Variants in RP1 observed in about 807,000 individuals in gnomAD.
RP1 encodes the protein RP1 axonemal microtubule associated.
A neutral mutation model predicts 14.8 loss-of-function variants in RP1; 16 were observed. That is an observed-to-expected ratio of 1.08 (90% confidence interval 0.73 to 1.65). RP1 has a LOEUF of 1.65. RP1 is among the 40% of genes most tolerant of loss of function. RP1 has a pLI of 0.00. For missense variants in RP1, 2,631 were observed against 2,535.0 expected (o/e 1.04, Z -0.81); for synonymous variants, 876 against 883.6 (o/e 0.99, Z 0.15).
At chr8:54,571,534 GGAT>G (rs1374578204) in intron 1 of RP1, among the ~76,000 whole-genome samples, 2 of 152,192 alleles carry the variant, frequency 1.3e-5, no homozygotes, top group Middle Eastern at 3.2e-3. Context: ...ATGGCAGCAT[GGAT>G]GGTTCCACTT....
intron 24 of RP1, among the ~76,000 whole-genome samples, chr8:54,804,182 A>G (rs1563381187): frequency 5.3e-5 from 8 of 152,190 alleles, no homozygotes; most frequent in Admixed American, 3.9e-4. Flanking sequence ...AGGAAAAACT[A>G]AGCTTCTTTG....
downstream of RP1, among the ~76,000 whole-genome samples, chr8:54,631,904 C>T (rs545616469): frequency 2.2e-4 from 34 of 151,468 alleles, no homozygotes; most frequent in East Asian, 3.9e-4. Context: ...TGCAATGGTG[C>T]GATCTCGGCT....
At chr8:54,726,488 C>T in intron 17 of RP1, 2 of 1,517,412 alleles carry the variant, frequency 1.3e-6, no homozygotes, top group Non-Finnish European at 1.8e-6. Flanking sequence ...TAAGCCACAG[C>T]TTTTGCTTTC....
At chr8:54,677,753 G>T (rs1484001855) in intron 8 of RP1, among the ~76,000 whole-genome samples, 1 of 151,634 alleles carries the variant, frequency 6.6e-6, no homozygotes, top group African/African-American at 2.4e-5. Context: ...AAAAATAAAA[G>T]AAAAAAATAA....
intron 1 of RP1, among the ~76,000 whole-genome samples, chr8:54,607,090 G>T (rs1489659292): frequency 6.6e-6 from 1 of 152,108 alleles, no homozygotes; most frequent in East Asian, 1.9e-4. Context: ...CTGGTGAGGA[G>T]CTGTGTTCCT....
At chr8:54,597,676 A>G (rs1805179575) in intron 1 of RP1, among the ~76,000 whole-genome samples, 1 of 152,214 alleles carries the variant, frequency 6.6e-6, no homozygotes, top group Admixed American at 6.5e-5. Flanking sequence ...CAATGTACTG[A>G]TATATGCTAA....
rs1384372614 is a variant in RP1 at position 54,625,973 on chromosome 8, T to C, written c.2091T>C (p.Asn697=). 1 of 1,613,882 alleles carries C rather than the reference T, an allele frequency of 6.2e-7. No homozygotes were observed. Among genetic ancestry groups the C allele is most frequent in the Non-Finnish European group, 8.5e-7 (1 of 1,179,936 alleles). The change falls in exon 4 of 4, where the codon AAT becomes AAC. Residue 697 remains asparagine (N), a synonymous_variant. Coordinates refer to ENST00000220676, the MANE Select transcript of RP1 (RefSeq NM_006269.2). ...AGCTTGCAACCAAAGGAATTCTTAA[T>C]AAGAATGAGAGAATAAACACAAAAG... ...DGQLATKGIL[N]KNERINTKGR... is the part of the protein sequence containing the mutation.
intron 1 of RP1, 91 bp downstream of exon 1, chr8:54,616,293 T>C (rs1348656429): frequency 6.6e-6 from 1 of 152,246 alleles, no homozygotes; most frequent in Non-Finnish European, 1.5e-5. Flanking sequence ...AGATTATATA[T>C]CTGTGTTCTG....
At chr8:54,764,107 A>T (rs1809707349) in intron 22 of RP1, among the ~76,000 whole-genome samples, 1 of 152,204 alleles carries the variant, frequency 6.6e-6, no homozygotes, top group South Asian at 2.1e-4. Context: ...AATTGTTGAA[A>T]AAAAGAGTCT....
chr8:54,646,842 G>C (rs893719186), intron 3 of RP1, among the ~76,000 whole-genome samples: 10 of 152,064 alleles, frequency 6.6e-5, no homozygotes, highest in African/African-American at 9.7e-5. Flanking sequence ...CTCTTTTGCT[G>C]CATTTCTAAG....
In RP1 at chr8:54,630,137, A is replaced by G. The variant is rs886062995; in HGVS notation, c.6255A>G (p.Gln2085=). The G allele has an allele frequency of 5.0e-6, 8 of 1,613,740 alleles. No homozygotes were observed. Among genetic ancestry groups the G allele is most frequent in the Non-Finnish European group, 5.9e-6 (7 of 1,179,934 alleles). ...RFQGSRTNLN[Q]VVRENINCHY... is the part of the protein sequence containing the mutation. Reference sequence around the variant, plus strand: ...AGGGCTCAAGAACAAATCTCAACCAAGTAGTAAGAGAAAATATCAACTGTC... The same window carrying G: ...AGGGCTCAAGAACAAATCTCAACCAGGTAGTAAGAGAAAATATCAACTGTC... Residue 2085 remains glutamine, a synonymous_variant, in exon 4 of 4, where the codon CAA becomes CAG. Coordinates refer to ENST00000220676, the MANE Select transcript of RP1 (RefSeq NM_006269.2).
chr8:54,820,130 G>A (rs565842597), intron 24 of RP1, among the ~76,000 whole-genome samples: 2 of 152,078 alleles, frequency 1.3e-5, no homozygotes, highest in African/African-American at 2.4e-5. Context: ...AATCTGCTTG[G>A]TGCTTTATTT....
chr8:54,787,341 T>C (rs1810345883), intron 24 of RP1, among the ~76,000 whole-genome samples: 1 of 152,104 alleles, frequency 6.6e-6, no homozygotes. Context: ...TGCTAACCCT[T>C]GAATCTGTTT....
chr8:54,805,689 T>A (rs1235365741), intron 24 of RP1, among the ~76,000 whole-genome samples: 1 of 151,884 alleles, frequency 6.6e-6, no homozygotes, highest in Non-Finnish European at 1.5e-5. Context: ...TGCATGCCCA[T>A]GGAGTGGAAA....
intron 24 of RP1, among the ~76,000 whole-genome samples, chr8:54,793,029 A>G (rs1339406106): frequency 6.6e-6 from 1 of 151,878 alleles, no homozygotes; most frequent in Non-Finnish European, 1.5e-5. Flanking sequence ...ACAGAAATAC[A>G]TAGGATCATA....
chr8:54,607,845 T>A (rs13278588), intron 1 of RP1, among the ~76,000 whole-genome samples: 7 of 152,040 alleles, frequency 4.6e-5, no homozygotes, highest in East Asian at 3.9e-4. Context: ...CTCTGAGCCA[T>A]GCGTGGGATA....
intron 25 of RP1, among the ~76,000 whole-genome samples, chr8:54,845,359 A>G (rs970990797): frequency 6.6e-6 from 1 of 152,146 alleles, no homozygotes; most frequent in African/African-American, 2.4e-5. Context: ...TCATCAACGG[A>G]TGGATGAAAG....
At chr8:54,570,724 T>C (rs1804502002) in intron 1 of RP1, among the ~76,000 whole-genome samples, 1 of 151,718 alleles carries the variant, frequency 6.6e-6, no homozygotes, top group African/African-American at 2.4e-5. Flanking sequence ...CCAAAAAGTG[T>C]CGGAAAGGAA....
intron 17 of RP1, among the ~76,000 whole-genome samples, chr8:54,732,020 A>T (rs1808807087): frequency 6.6e-6 from 1 of 152,018 alleles, no homozygotes; most frequent in African/African-American, 2.4e-5. Context: ...GGATTTGCCA[A>T]CTCCCTTCCA....
Sources: allele counts gnomAD v4.1 joint callset (sites outside exome capture counted in the v4.1 genomes callset), GRCh38; gene constraint gnomAD v4.1.1; transcripts MANE v1.5; gene names NCBI Gene and HGNC (gene_info 2026-07-23, HGNC 2026-07-21).